The following DZIP1L variants were observed in gnomAD, a reference collection of about 807,000 sequenced individuals.
DZIP1L encodes cilium assembly protein DZIP1L.
Under a neutral mutation model 88.7 loss-of-function variants are expected in DZIP1L, and 90 were observed. The observed-to-expected ratio is 1.02, with a 90% CI of 0.86 to 1.21. The LOEUF (loss-of-function observed/expected upper bound fraction) is 1.21. DZIP1L is among the 50% of genes most tolerant of loss of function. The pLI is 0.00. For synonymous variants in DZIP1L, 363 were observed against 372.1 expected, an observed-to-expected ratio of 0.98 and a Z score of 0.28; for missense variants, 932 against 955.8, an observed-to-expected ratio of 0.98 and a Z score of 0.33.
chr3:138,081,146 G>A (rs115378571), intron 9 of DZIP1L, among the ~76,000 whole-genome samples: 1,584 of 152,292 alleles, frequency 0.01, 24 homozygotes, highest in African/African-American at 0.034. Context: ...CCATAGGACA[G>A]GGGAGCTGGG....
rs199601496 is a variant in DZIP1L at position 138,062,847 on chromosome 3, C to G, written c.2273G>C (p.Ser758Thr). 3.1e-6 allele frequency: 5 copies of G among 1,614,028 alleles called. No homozygotes were observed. Among genetic ancestry groups the G allele is most frequent in the Non-Finnish European group, 4.2e-6 (5 of 1,180,060 alleles). ...LPEKFGTGPQ[S>T]SGQPRVPAW ...GGCAGGGACCCTGGGTTGGCCAGAGCTCTGTGGACCAGTGCCAAACTTCTC... is the reference window on the plus strand; with the variant it reads ...GGCAGGGACCCTGGGTTGGCCAGAGGTCTGTGGACCAGTGCCAAACTTCTC... The change falls in exon 16 of 16, where the codon AGC becomes ACC. Residue 758 changes from serine (S) to threonine (T), a missense_variant. Transcript: ENST00000327532.
At chr3:138,081,468 C>T (rs773144181) in intron 9 of DZIP1L, among the ~76,000 whole-genome samples, 3 of 152,200 alleles carry the variant, frequency 2.0e-5, no homozygotes, top group Non-Finnish European at 4.4e-5. Context: ...TGAGCCCCCA[C>T]TCCACCCATA....
Position 138,095,058 on chromosome 3 carries a change from A to G in DZIP1L, c.587-75T>C, listed in dbSNP as rs945500737. 86 of 1,604,548 alleles carry G rather than the reference A, an allele frequency of 5.4e-5. No individual in the cohort carries two copies. In the African/African-American group the frequency reaches 1.1e-3, roughly 20 times the overall value. On this transcript the variant is annotated intron_variant, in intron 3 of 15. Transcript: ENST00000327532. The stretch of plus-strand genomic sequence containing the variant: ...GGGAGTGTAGTTTCTCACCTTGTCA[A>G]TCAGCCATACCTCGGTCTCAAACCA...
At chr3:138,097,971 A>G in intron 2 of DZIP1L, 124 bp from the exon 3 acceptor site, 2 of 789,014 alleles carry the variant, frequency 2.5e-6, no homozygotes, top group Non-Finnish European at 4.2e-6. Flanking sequence ...AAAGAATTTA[A>G]TTTACTGAGC....
intron 9 of DZIP1L, among the ~76,000 whole-genome samples, chr3:138,080,916 T>C (rs1303098996): frequency 6.6e-6 from 1 of 152,120 alleles, no homozygotes; most frequent in African/African-American, 2.4e-5. Context: ...TGTAATGAGA[T>C]GATGCATCTG....
In DZIP1L at chr3:138,071,544, G is replaced by C; in HGVS notation, c.1615+99C>G. ...AGCCCTTCAGAGAAGTGCCCCTAATGGGGGACAGAGACTATACCCTCCTCA... is the reference window on the plus strand; with the variant it reads ...AGCCCTTCAGAGAAGTGCCCCTAATCGGGGACAGAGACTATACCCTCCTCA... On this transcript the variant is annotated intron_variant, in intron 12 of 15. Coordinates refer to ENST00000327532, the MANE Select transcript of DZIP1L (RefSeq NM_173543.3). The C allele has an allele frequency of 3.7e-6, 5 of 1,365,180 alleles. 1 individual carries two copies. The highest frequency in any genetic ancestry group is 3.1e-5 in the South Asian group (2 of 65,448). 84.6% of individuals were successfully genotyped at this position (1,365,180 alleles called of 1,614,324 possible). A position where few individuals can be genotyped will look rare whatever the true frequency, so the allele number is the denominator to read the frequency against.
Position 138,063,467 on chromosome 3 carries a change from T to C in DZIP1L, c.2143-490A>G, listed in dbSNP as rs534473148. Among the ~76,000 whole-genome samples, 48 of 152,316 alleles carry C rather than the reference T, an allele frequency of 3.2e-4. No homozygotes were observed. In the South Asian group the frequency reaches 6.8e-3, roughly 22 times the overall value. On this transcript the variant is annotated intron_variant, in intron 15 of 15. Transcript: ENST00000327532. This position sits in a 1 kb window ranked among gnomAD's most constrained non-coding sequence, Gnocchi z 4.1. Reference sequence around the variant, plus strand: ...TGGGAGCAACAGGAGTCCTTCAGCCTGGAAGGGTCTGCACTGCAGCCAGCA... The same window carrying C: ...TGGGAGCAACAGGAGTCCTTCAGCCCGGAAGGGTCTGCACTGCAGCCAGCA...
chr3:138,112,115 C>T (rs919482459), intron 1 of DZIP1L, among the ~76,000 whole-genome samples: 6 of 151,732 alleles, frequency 4.0e-5, no homozygotes, highest in African/African-American at 4.8e-5. Flanking sequence ...GGCACTGTGC[C>T]TGCCTTTAAA....
intron 1 of DZIP1L, among the ~76,000 whole-genome samples, chr3:138,105,119 T>C: frequency 6.6e-6 from 1 of 152,186 alleles, no homozygotes; most frequent in East Asian, 1.9e-4. Context: ...TATATATATA[T>C]GTAAACACAC....
chr3:138,093,303 T>C (rs1374332542), intron 4 of DZIP1L, among the ~76,000 whole-genome samples: 1 of 152,034 alleles, frequency 6.6e-6, no homozygotes, highest in Non-Finnish European at 1.5e-5. Context: ...ATCTTTTTTT[T>C]AGCAGTAGAT....
At chr3:138,082,844 G>A (rs1055068034) in intron 8 of DZIP1L, among the ~76,000 whole-genome samples, 1 of 152,196 alleles carries the variant, frequency 6.6e-6, no homozygotes, top group Non-Finnish European at 1.5e-5. Flanking sequence ...CAAGTCTTGG[G>A]AAGGGACCTT....
intron 1 of DZIP1L, among the ~76,000 whole-genome samples, chr3:138,104,610 C>T (rs1279839257): frequency 6.6e-6 from 1 of 152,200 alleles, no homozygotes; most frequent in African/African-American, 2.4e-5. Flanking sequence ...AGTGAACTAC[C>T]TTTCCCAGCT....
At position 138,067,569 on chromosome 3, in the gene DZIP1L, G is replaced by T. The variant is rs1559821985; in HGVS notation, c.1964C>A (p.Thr655Asn). Residue 655 changes from threonine (T) to asparagine (N), a missense_variant, in exon 14 of 16, where the codon ACC (threonine) becomes AAC (asparagine). Transcript: ENST00000327532. The part of the protein sequence containing the change: ...KDDWDWSDTE[T>N]SEENAQPPGQ... ...AGGGGGCTGGGCATTCTCCTCCGAG[G>T]TCTCTGTGTCAGACCAGTCCCAGTC... 1 of 1,610,754 alleles carries T rather than the reference G, an allele frequency of 6.2e-7. No individual in the cohort carries two copies. The highest frequency in any genetic ancestry group is 1.7e-5 in the Admixed American group (1 of 59,546).
intron 4 of DZIP1L, among the ~76,000 whole-genome samples, chr3:138,093,194 T>C (rs1052868725): frequency 6.6e-6 from 1 of 152,264 alleles, no homozygotes; most frequent in Non-Finnish European, 1.5e-5. Context: ...GATATTGTGT[T>C]AACAGGCTTG....
At chr3:138,101,574 G>C in intron 2 of DZIP1L, 1 of 808,122 alleles carries the variant, frequency 1.2e-6, no homozygotes, top group African/African-American at 1.7e-5. Flanking sequence ...AGCTGGTGCG[G>C]CTGAAGGAGC....
intron 1 of DZIP1L, among the ~76,000 whole-genome samples, chr3:138,106,888 G>C (rs1294174887): frequency 7.0e-6 from 1 of 143,578 alleles, no homozygotes; most frequent in South Asian, 2.1e-4. Context: ...GAGAGAGAAA[G>C]AGAGAGAGAG....
intron 7 of DZIP1L, among the ~76,000 whole-genome samples, 181 bp from the exon 8 acceptor site, chr3:138,084,434 G>A (rs1201929245): frequency 7.2e-5 from 11 of 152,224 alleles, no homozygotes; most frequent in African/African-American, 2.4e-4. Flanking sequence ...CTGTGCCTGA[G>A]AAGAAGTAAG....
At chr3:138,107,990 C>T (rs1255695002) in intron 1 of DZIP1L, among the ~76,000 whole-genome samples, 1 of 152,156 alleles carries the variant, frequency 6.6e-6, no homozygotes, top group East Asian at 1.9e-4. Context: ...GCACCCCCAC[C>T]ATGGCCATGA....
intron 1 of DZIP1L, among the ~76,000 whole-genome samples, chr3:138,114,268 C>CA (rs2042658703): frequency 6.6e-6 from 1 of 152,208 alleles, no homozygotes; most frequent in African/African-American, 2.4e-5. Flanking sequence ...GAGCAAAAAA[C>CA]CTTTGACCAA....
Sources: allele counts gnomAD v4.1 joint callset (sites outside exome capture counted in the v4.1 genomes callset), GRCh38; gene constraint gnomAD v4.1.1; non-coding constraint Gnocchi (gnomAD v3.1); transcripts MANE v1.5; gene names NCBI Gene and HGNC (gene_info 2026-07-23, HGNC 2026-07-21).